Variants in EXT2 observed in about 807,000 individuals in gnomAD.
EXT2 encodes the protein exostosin glycosyltransferase 2.
Under a neutral mutation model 81.6 loss-of-function variants are expected in EXT2, and 53 were observed. The ratio of observed to expected loss-of-function variants is 0.65; its 90% CI spans 0.52 to 0.82. The LOEUF (loss-of-function observed/expected upper bound fraction) is 0.82, where lower values mean the gene tolerates loss of function less well. Ranked by LOEUF, EXT2 falls within the 40% of genes least tolerant of loss-of-function variation. The pLI is 0.00. For missense variants in EXT2, 774 were observed against 910.2 expected (o/e 0.85, Z 1.93); for synonymous variants, 320 against 340.0 (o/e 0.94, Z 0.65).
chr11:44,246,542 C>T lies in EXT2; in HGVS notation c.*2255C>T, dbSNP rs1166706503. ...CAACTCCATTTAAAGTACCTCATTA[C>T]TCCCAGGAATATTGGGTGTTAGATC... On this transcript the variant is annotated 3_prime_UTR_variant, in exon 14 of 14. Transcript: ENST00000533608. Among the ~76,000 whole-genome samples the T allele has an allele frequency of 4.6e-5, 7 of 152,174 alleles. No homozygotes were observed. The highest frequency in any genetic ancestry group is 4.6e-4 in the Admixed American group (7 of 15,274).
chr11:44,114,643 C>T lies in EXT2; in HGVS notation c.743+342C>T, dbSNP rs370295046. On this transcript the variant is annotated intron_variant, in intron 4 of 13. Transcript: ENST00000533608. The stretch of plus-strand genomic sequence containing the variant: ...GTCTGTCTGCTCCCCGAATCCTCCT[C>T]CTCTACCCTAGACCAGGTTACTGTC... Among the ~76,000 whole-genome samples, 11 of 152,316 alleles carry T rather than the reference C, an allele frequency of 7.2e-5. No homozygotes were observed. The East Asian group carries it at 1.7e-3, about 24-fold the overall frequency.
intron 7 of EXT2, among the ~76,000 whole-genome samples, chr11:44,131,956 G>A (rs1276728756): frequency 1.3e-5 from 2 of 152,102 alleles, no homozygotes; most frequent in Non-Finnish European, 2.9e-5. Context: ...CAGGCTGGTC[G>A]AACTCTTGAC....
chr11:44,109,021 T>G (rs1954102373), intron 2 of EXT2, among the ~76,000 whole-genome samples, 173 bp from the exon 3 acceptor site: 1 of 152,236 alleles, frequency 6.6e-6, no homozygotes, highest in African/African-American at 2.4e-5. Flanking sequence ...TTCCCTGTCA[T>G]GGAGCCAGAC....
Position 44,244,296 on chromosome 11 carries a change from A to T in EXT2, c.*9A>T. 6.2e-7 allele frequency: 1 copy of T among 1,613,996 alleles called. No homozygotes were observed. Among genetic ancestry groups the T allele is most frequent in the Non-Finnish European group, 8.5e-7 (1 of 1,179,918 alleles). ...ACATTGGCAGCTTATGAAACGTGTC[A>T]TTGGTGGAGGTCTGAATGTGAGGCT... is the stretch of plus-strand genomic sequence containing the variant. On this transcript the variant is annotated 3_prime_UTR_variant, in exon 14 of 14. Transcript: ENST00000533608.
chr11:44,236,979 T>A (rs1310180069), intron 13 of EXT2, among the ~76,000 whole-genome samples: 1 of 152,196 alleles, frequency 6.6e-6, no homozygotes, highest in Non-Finnish European at 1.5e-5. Flanking sequence ...GAGATGTATG[T>A]CTTCCGTTAA....
chr11:44,108,168 GT>G lies in EXT2; in HGVS notation c.459del (p.Phe153LeufsTer117). 6.2e-7 allele frequency: 1 copy of G among 1,614,052 alleles called. No homozygotes were observed. Among genetic ancestry groups the G allele is most frequent in the Non-Finnish European group, 8.5e-7 (1 of 1,180,026 alleles). On this transcript the variant is annotated frameshift_variant, in exon 2 of 14. Transcript: ENST00000533608. LOFTEE classifies it high-confidence loss of function. Reference protein sequence around the residue: ...YTDDINRACLFVPSIDVLNQN... With the variant: ...YTDDINRACLXVPSIDVLNQN... The stretch of plus-strand genomic sequence containing the variant: ...CTGATGACATCAACCGGGCCTGTCT[GT>G]TTGTTCCCTCCATCGATGTGCTTAA...
At chr11:44,116,773 T>C (rs1954226440) in intron 4 of EXT2, 1 of 152,230 alleles carries the variant, frequency 6.6e-6, no homozygotes, top group African/African-American at 2.4e-5. Flanking sequence ...ATTTTGAGTA[T>C]CTTTTCATGT....
intron 2 of EXT2, 82 bp from the exon 3 acceptor site, chr11:44,109,112 T>C (rs1165769986): frequency 6.7e-7 from 1 of 1,486,010 alleles, no homozygotes; most frequent in African/African-American, 1.4e-5. Context: ...TTGGGGATCC[T>C]TGATAGTTGT....
intron 7 of EXT2, among the ~76,000 whole-genome samples, chr11:44,145,279 T>C (rs1327337676): frequency 6.6e-6 from 1 of 152,166 alleles, no homozygotes; most frequent in African/African-American, 2.4e-5. Flanking sequence ...CCTCTTTTAC[T>C]CATGATGCCT....
intron 12 of EXT2, among the ~76,000 whole-genome samples, chr11:44,234,930 C>T (rs1160739066): frequency 1.3e-5 from 2 of 152,150 alleles, no homozygotes; most frequent in Admixed American, 1.3e-4. Context: ...ATGGGCAATG[C>T]CAGGTTCCCT....
At chr11:44,188,806 G>T (rs192105825) in intron 8 of EXT2, among the ~76,000 whole-genome samples, 1 of 152,270 alleles carries the variant, frequency 6.6e-6, no homozygotes, top group African/African-American at 2.4e-5. Context: ...AGAGAACAGA[G>T]AGAGAAGGTC....
At chr11:44,225,768 TG>T (rs2135246303) in intron 10 of EXT2, among the ~76,000 whole-genome samples, 2 of 152,264 alleles carry the variant, frequency 1.3e-5, no homozygotes, top group African/African-American at 4.8e-5. Context: ...ACTGTAACCT[TG>T]GGAGAACCAT....
intron 10 of EXT2, among the ~76,000 whole-genome samples, chr11:44,208,449 A>G (rs548261870): frequency 8.5e-5 from 13 of 152,236 alleles, no homozygotes; most frequent in Non-Finnish European, 5.9e-5. Context: ...AACTAAGACT[A>G]TGTTAATGCG....
chr11:44,186,720 C>A (rs149658499), intron 8 of EXT2, among the ~76,000 whole-genome samples: 56 of 152,296 alleles, frequency 3.7e-4, no homozygotes, highest in African/African-American at 1.3e-3. Flanking sequence ...CTAAACTGCA[C>A]GTTTCAATCC....
chr11:44,098,138 C>T (rs1953927795), intron 1 of EXT2, among the ~76,000 whole-genome samples: 1 of 152,058 alleles, frequency 6.6e-6, no homozygotes, highest in Non-Finnish European at 1.5e-5. Flanking sequence ...AGATTCCTTT[C>T]AGTCTGTCAT....
intron 12 of EXT2, among the ~76,000 whole-genome samples, chr11:44,235,979 A>G (rs576372349): frequency 6.6e-6 from 1 of 152,324 alleles, no homozygotes; most frequent in South Asian, 2.1e-4. Context: ...ACAAGAACAA[A>G]TGGTGTTTAT....
intron 7 of EXT2, among the ~76,000 whole-genome samples, chr11:44,157,094 C>A (rs1954865342): frequency 2.6e-5 from 4 of 152,200 alleles, no homozygotes; most frequent in Admixed American, 2.0e-4. Context: ...GAGTCTCTGT[C>A]TCTGTGATGA....
intron 8 of EXT2, among the ~76,000 whole-genome samples, chr11:44,179,667 A>G (rs1389666789): frequency 6.6e-6 from 1 of 152,212 alleles, no homozygotes; most frequent in Non-Finnish European, 1.5e-5. Flanking sequence ...TTACCAGGGA[A>G]ATGTGATAAT....
intron 4 of EXT2, chr11:44,115,878 G>A (rs1312177562): frequency 6.6e-6 from 1 of 152,184 alleles, no homozygotes; most frequent in African/African-American, 2.4e-5. Context: ...GTGAGCTTGA[G>A]ACATTTTTGT....
Sources: allele counts gnomAD v4.1 joint callset (sites outside exome capture counted in the v4.1 genomes callset), GRCh38; gene constraint gnomAD v4.1.1; transcripts MANE v1.5; gene names NCBI Gene and HGNC (gene_info 2026-07-23, HGNC 2026-07-21).